Variants in SPATA9 observed in about 807,000 individuals in gnomAD.
The protein encoded by SPATA9 is spermatogenesis associated 9.
A neutral mutation model predicts 25.5 loss-of-function variants in SPATA9; 27 were observed. That is an observed-to-expected ratio of 1.06 (90% CI 0.78 to 1.46). The LOEUF (loss-of-function observed/expected upper bound fraction) is 1.46. Ranked by LOEUF, SPATA9 falls within the 40% of genes most tolerant of loss-of-function variation. SPATA9 has a pLI of 0.00. For synonymous variants in SPATA9, 102 were observed against 105.7 expected, an observed-to-expected ratio of 0.97 and a Z score of 0.21; for missense variants, 282 against 297.5, an observed-to-expected ratio of 0.95 and a Z score of 0.38.
the SPATA9 span, chr5:95,731,773 C>T: frequency 1.9e-6 from 3 of 1,602,964 alleles, no homozygotes; most frequent in Non-Finnish European, 2.6e-6. Flanking sequence ...CCTCGCCGCG[C>T]GCTGTCCCCC....
intron 2 of SPATA9, 67 bp downstream of exon 2, chr5:95,682,461 A>G: frequency 9.0e-7 from 1 of 1,108,670 alleles, no homozygotes; most frequent in Non-Finnish European, 1.3e-6. Context: ...GCATTAAATA[A>G]TGGGTATGAT....
At chr5:95,714,415 T>A in the SPATA9 span, among the ~76,000 whole-genome samples, 2 of 151,972 alleles carry the variant, frequency 1.3e-5, no homozygotes, top group Non-Finnish European at 2.9e-5. Flanking sequence ...GAACAAGTAA[T>A]CCTGTAGCAG....
intron 2 of SPATA9, among the ~76,000 whole-genome samples, chr5:95,677,873 T>G (rs1753092248): frequency 6.6e-6 from 1 of 152,240 alleles, no homozygotes; most frequent in Non-Finnish European, 1.5e-5. Context: ...TAAATTAAAA[T>G]TTTTTAGATA....
chr5:95,702,215 AAC>A (rs33913076), upstream of SPATA9, among the ~76,000 whole-genome samples: 105,683 of 151,208 alleles, frequency 0.7, 37,328 homozygotes, highest in East Asian at 0.94. Context: ...GCAAAACCAA[AAC>A]ACACACACAC....
At chr5:95,715,902 A>AC in the SPATA9 span, among the ~76,000 whole-genome samples, 1 of 152,254 alleles carries the variant, frequency 6.6e-6, no homozygotes, top group Non-Finnish European at 1.5e-5. Flanking sequence ...AATGTAAAAT[A>AC]CGGACAAAAG....
chr5:95,666,717 A>G (rs759360937), intron 3 of SPATA9, among the ~76,000 whole-genome samples: 9 of 136,998 alleles, frequency 6.6e-5, no homozygotes, highest in Admixed American at 1.5e-4. Flanking sequence ...GGTGAGAATT[A>G]GTGACTGTAA....
intron 1 of SPATA9, among the ~76,000 whole-genome samples, chr5:95,697,516 A>T (rs1463564173): frequency 6.6e-6 from 1 of 152,196 alleles, no homozygotes; most frequent in Admixed American, 6.5e-5. Flanking sequence ...AGCCACAGTC[A>T]TTTTATAACT....
chr5:95,704,866 T>C, the SPATA9 span, among the ~76,000 whole-genome samples: 1 of 152,034 alleles, frequency 6.6e-6, no homozygotes, highest in Non-Finnish European at 1.5e-5. Context: ...ATATAGTGGA[T>C]GAGACAGAGG....
chr5:95,686,206 A>T (rs991043653), upstream of SPATA9, among the ~76,000 whole-genome samples: 2 of 152,182 alleles, frequency 1.3e-5, no homozygotes, highest in Admixed American at 6.5e-5. Context: ...AATAGTATAG[A>T]ATGGAAATAA....
At chr5:95,728,841 C>T in the SPATA9 span, among the ~76,000 whole-genome samples, 2 of 152,226 alleles carry the variant, frequency 1.3e-5, no homozygotes, top group East Asian at 1.9e-4. Context: ...GTAAAGAAGC[C>T]GGCCAAAACC....
chr5:95,706,369 A>G, the SPATA9 span, among the ~76,000 whole-genome samples: 1 of 151,504 alleles, frequency 6.6e-6, no homozygotes. Context: ...TGGTTGGTTA[A>G]AAGTGTGTAG....
In SPATA9 at chr5:95,672,273, C is replaced by G. The variant is rs754928532; in HGVS notation, c.378+3139G>C. Among the ~76,000 whole-genome samples the G allele has an allele frequency of 3.9e-5, 6 of 152,104 alleles. No individual in the cohort carries two copies. The East Asian group carries it at 1.2e-3, about 29-fold the overall frequency. ...AGGAAGCTGGTCTCCATGTGGGACTCCCATGAGAGATTAGAATTCCAGGCT... is the reference window on the plus strand; with the variant it reads ...AGGAAGCTGGTCTCCATGTGGGACTGCCATGAGAGATTAGAATTCCAGGCT... On this transcript the variant is annotated intron_variant, in intron 3 of 4. Transcript: ENST00000274432.
chr5:95,683,153 T>C, upstream of SPATA9: 2 of 476,754 alleles, frequency 4.2e-6, no homozygotes, highest in Non-Finnish European at 6.2e-6. Context: ...ATGATATAAG[T>C]TGAAATTTGT....
exon 9 of SPATA9, chr5:95,653,113 T>C: frequency 6.4e-7 from 1 of 1,551,638 alleles, no homozygotes; most frequent in Non-Finnish European, 8.7e-7. Context: ...TGCTCTTCTT[T>C]CAGTATGGAA....
In SPATA9 at chr5:95,663,935, A is replaced by G. The variant is rs754736171; in HGVS notation, c.474+18T>C. On this transcript the variant is annotated intron_variant, in intron 4 of 4. Coordinates refer to ENST00000274432, the MANE Select transcript of SPATA9 (RefSeq NM_031952.4). Reference sequence around the variant, plus strand: ...TAAGTAGATTTATTTCTAGATTCTAATAATTTTCTTAACTTACCAAATAAA... The same window carrying G: ...TAAGTAGATTTATTTCTAGATTCTAGTAATTTTCTTAACTTACCAAATAAA... The G allele has an allele frequency of 1.4e-6, 2 of 1,380,808 alleles. No individual in the cohort carries two copies. The highest frequency in any genetic ancestry group is 2.0e-6 in the Non-Finnish European group (2 of 1,002,042). The allele number at this position is 1,380,808 out of a possible 1,614,324, so 85.5% of individuals were successfully genotyped here.
the SPATA9 span, among the ~76,000 whole-genome samples, chr5:95,730,446 C>G: frequency 6.6e-6 from 1 of 152,292 alleles, no homozygotes; most frequent in Admixed American, 6.5e-5. Context: ...TCGTTTGTAT[C>G]GAGGTAGTTT....
At chr5:95,731,461 G>A in the SPATA9 span, 3 of 1,214,834 alleles carry the variant, frequency 2.5e-6, no homozygotes, top group Non-Finnish European at 3.1e-6. Context: ...CTGAGTAGCG[G>A]CAGCTTATCC....
the SPATA9 span, chr5:95,731,223 C>T: frequency 1.7e-5 from 17 of 1,002,784 alleles, no homozygotes; most frequent in Admixed American, 6.0e-5. Context: ...TCCCCCGCAT[C>T]CGCCCGACCC....
chr5:95,711,083 T>C, the SPATA9 span, among the ~76,000 whole-genome samples: 703 of 152,242 alleles, frequency 4.6e-3, 29 homozygotes, highest in East Asian at 0.096. Context: ...CCTGGATGAC[T>C]TCAGTCGCCT....
Sources: allele counts gnomAD v4.1 joint callset (sites outside exome capture counted in the v4.1 genomes callset), GRCh38; gene constraint gnomAD v4.1.1; transcripts MANE v1.5; gene names NCBI Gene and HGNC (gene_info 2026-07-23, HGNC 2026-07-21).